The following OR2V2 variants were observed in gnomAD, a reference collection of about 807,000 sequenced individuals.
The protein encoded by OR2V2 is olfactory receptor 2V2.
For synonymous variants in OR2V2, 161 were observed against 151.3 expected (o/e 1.06, Z -0.47); for missense variants, 392 against 392.2 (o/e 1.00, Z 0.00).
intron 1 of OR2V2, among the ~76,000 whole-genome samples, chr5:181,154,515 T>G (rs1383417635): frequency 2.0e-5 from 3 of 146,478 alleles, no homozygotes; most frequent in Non-Finnish European, 3.0e-5. Context: ...GCGTGAACCC[T>G]GGAGGGGGAG....
chr5:181,153,617 G>T (rs893561607), intron 1 of OR2V2, among the ~76,000 whole-genome samples: 1 of 152,086 alleles, frequency 6.6e-6, no homozygotes, highest in African/African-American at 2.4e-5. Context: ...GGCGGAGGTT[G>T]CAATGAGCCG....
At chr5:181,148,144 TG>T (rs919272669) in intron 1 of OR2V2, 149 bp downstream of exon 1, 3 of 392,520 alleles carry the variant, frequency 7.6e-6, no homozygotes, top group East Asian at 7.2e-5. Context: ...TTTGGATTTT[TG>T]GGGGGGCATC....
intron 1 of OR2V2, among the ~76,000 whole-genome samples, chr5:181,150,248 G>T (rs1426264012): frequency 2.0e-5 from 3 of 152,208 alleles, no homozygotes; most frequent in African/African-American, 7.2e-5. Context: ...TCTGCACCTG[G>T]GCAGGCGCAT....
intron 1 of OR2V2, 137 bp from the exon 2 acceptor site, chr5:181,154,782 A>G: frequency 1.6e-6 from 1 of 627,808 alleles, no homozygotes; most frequent in Non-Finnish European, 2.8e-6. Context: ...GGAGATATGG[A>G]GTGTCCCCTA....
At chr5:181,148,453 GA>G (rs1489912079) in intron 1 of OR2V2, among the ~76,000 whole-genome samples, 2 of 152,064 alleles carry the variant, frequency 1.3e-5, no homozygotes, top group African/African-American at 2.4e-5. Context: ...TGGTTTCTAG[GA>G]AAAAAAGTAA....
chr5:181,156,840 T>G lies in OR2V2; in HGVS notation c.*950T>G, dbSNP rs996703611. On this transcript the variant is annotated 3_prime_UTR_variant, in exon 2 of 2. Transcript: ENST00000641492. Reference sequence around the variant, plus strand: ...CACTGGAAACTTCATAAAGACGTATTAAAAGCATACAAGTTGTCTTTGAGA... The same window carrying G: ...CACTGGAAACTTCATAAAGACGTATGAAAAGCATACAAGTTGTCTTTGAGA... 11 of 152,250 alleles carry G rather than the reference T, an allele frequency of 7.2e-5. No homozygotes were observed. Among genetic ancestry groups the G allele is most frequent in the African/African-American group, 2.7e-4 (11 of 41,460 alleles). The allele number at this position is 152,250 out of a possible 1,614,324, so 9.4% of individuals were successfully genotyped here. A position where few individuals can be genotyped will look rare whatever the true frequency, so the allele number is the denominator to read the frequency against.
chr5:181,150,418 G>A (rs78588184), intron 1 of OR2V2, among the ~76,000 whole-genome samples: 3,673 of 152,238 alleles, frequency 0.024, 140 homozygotes, highest in African/African-American at 0.084. Context: ...GAAGACATGC[G>A]CTGGCAGTCA....
chr5:181,150,222 T>C (rs1006914816), intron 1 of OR2V2, among the ~76,000 whole-genome samples: 1 of 152,228 alleles, frequency 6.6e-6, no homozygotes, highest in Non-Finnish European at 1.5e-5. Flanking sequence ...ACAGCTCAAG[T>C]GGCTAAATCC....
At position 181,157,729 on chromosome 5, in the gene OR2V2, C is replaced by A. The variant is rs1763283066; in HGVS notation, c.*1839C>A. The A allele has an allele frequency of 6.6e-6, 1 of 152,290 alleles. No individual in the cohort carries two copies. The highest frequency in any genetic ancestry group is 1.9e-4 in the East Asian group (1 of 5,188). The allele number at this position is 152,290 out of a possible 1,614,324, so 9.4% of individuals were successfully genotyped here. Reference sequence around the variant, plus strand: ...TTCTGTGTATTCTCCTCATTTTCATCATATCTTTTTGCCTTGTACACATTT... The same window carrying A: ...TTCTGTGTATTCTCCTCATTTTCATAATATCTTTTTGCCTTGTACACATTT... On this transcript the variant is annotated 3_prime_UTR_variant, in exon 2 of 2. Transcript: ENST00000641492.
At chr5:181,148,835 G>A (rs1313609364) in intron 1 of OR2V2, among the ~76,000 whole-genome samples, 1 of 152,246 alleles carries the variant, frequency 6.6e-6, no homozygotes, top group Non-Finnish European at 1.5e-5. Context: ...AGGAGGAGGT[G>A]AGGGAACAAG....
In OR2V2 at chr5:181,156,251, G is replaced by C. The variant is rs1187525572; in HGVS notation, c.*361G>C. 1.3e-4 allele frequency: 27 copies of C among 207,446 alleles called. No individual in the cohort carries two copies. The Admixed American group carries it at 1.4e-3, about 11-fold the overall frequency. The allele number at this position is 207,446 out of a possible 1,614,324, so 12.9% of individuals were successfully genotyped here. ...CTCCTGAGTAGCTGGGATTACAGGT[G>C]CGTGCCCCACACCTGACTAATTTTT... is the stretch of plus-strand genomic sequence containing the variant. On this transcript the variant is annotated 3_prime_UTR_variant, in exon 2 of 2. Coordinates refer to ENST00000641492, the MANE Select transcript of OR2V2 (RefSeq NM_206880.2).
chr5:181,148,409 G>A (rs981969580), intron 1 of OR2V2, among the ~76,000 whole-genome samples: 2 of 152,210 alleles, frequency 1.3e-5, no homozygotes, highest in African/African-American at 4.8e-5. Context: ...ATCCCCAGGA[G>A]AATATTGCAG....
Position 181,156,760 on chromosome 5 carries a change from A to G in OR2V2, c.*870A>G, listed in dbSNP as rs1015989196. 6.6e-6 allele frequency: 1 copy of G among 152,250 alleles called. No homozygotes were observed. Among genetic ancestry groups the G allele is most frequent in the African/African-American group, 2.4e-5 (1 of 41,452 alleles). The allele number at this position is 152,250 out of a possible 1,614,324, so 9.4% of individuals were successfully genotyped here. On this transcript the variant is annotated 3_prime_UTR_variant, in exon 2 of 2. Transcript: ENST00000641492. ...CCCTAGGGTCTTAAATGAACAACTTACAGATGACAGAAAATAAGCCTTTAT... is the reference window on the plus strand; with the variant it reads ...CCCTAGGGTCTTAAATGAACAACTTGCAGATGACAGAAAATAAGCCTTTAT...
chr5:181,153,505 G>C (rs1763218556), intron 1 of OR2V2, among the ~76,000 whole-genome samples: 1 of 152,014 alleles, frequency 6.6e-6, no homozygotes, highest in African/African-American at 2.4e-5. Context: ...CGGGCAAGAT[G>C]GCAACACCCC....
rs1279456028 is a variant in OR2V2, at chr5:181,157,618, T to C, written c.*1728T>C. 2 of 152,038 alleles carry C rather than the reference T, an allele frequency of 1.3e-5. No individual in the cohort carries two copies. Among genetic ancestry groups the C allele is most frequent in the Admixed American group, 1.3e-4 (2 of 15,270 alleles). The allele number at this position is 152,038 out of a possible 1,614,324, so 9.4% of individuals were successfully genotyped here. A position where few individuals can be genotyped will look rare whatever the true frequency, so the allele number is the denominator to read the frequency against. ...GATTTTCCACTGTGTAGATGGATCTTAGTGTATTCTGTGACCACTTGCTGA... is the reference window on the plus strand; with the variant it reads ...GATTTTCCACTGTGTAGATGGATCTCAGTGTATTCTGTGACCACTTGCTGA... On this transcript the variant is annotated 3_prime_UTR_variant, in exon 2 of 2. Transcript: ENST00000641492.
At position 181,147,819 on chromosome 5, in the gene OR2V2, C is replaced by T. The variant is rs1332348518; in HGVS notation, c.-201C>T. On this transcript the variant is annotated 5_prime_UTR_variant, in exon 1 of 2. Transcript: ENST00000641492. ...CACTGGAGGCTGAGGGTGCCGTGGGCTCCACAGCCCGATGAGTAGTCGGTG... is the reference window on the plus strand; with the variant it reads ...CACTGGAGGCTGAGGGTGCCGTGGGTTCCACAGCCCGATGAGTAGTCGGTG... 2.5e-6 allele frequency: 1 copy of T among 393,114 alleles called. No homozygotes were observed. Among genetic ancestry groups the T allele is most frequent in the Non-Finnish European group, 4.5e-6 (1 of 223,114 alleles). The allele number at this position is 393,114 out of a possible 1,614,324, so 24.4% of individuals were successfully genotyped here.
chr5:181,154,610 C>CGG (rs1763233574), intron 1 of OR2V2, among the ~76,000 whole-genome samples: 1 of 149,610 alleles, frequency 6.7e-6, no homozygotes, highest in African/African-American at 2.5e-5. Context: ...AAAAAAGACT[C>CGG]TGTATCATAT....
intron 1 of OR2V2, among the ~76,000 whole-genome samples, chr5:181,154,029 C>A (rs6865627): frequency 0.043 from 6,554 of 152,182 alleles, 298 homozygotes; most frequent in African/African-American, 0.12. Context: ...TCCTGTCACT[C>A]GCGGTATGAC....
chr5:181,148,867 C>T (rs1251356005), intron 1 of OR2V2, among the ~76,000 whole-genome samples: 6 of 152,162 alleles, frequency 3.9e-5, no homozygotes, highest in Non-Finnish European at 7.4e-5. Flanking sequence ...CTGGGAAGAG[C>T]CTTCTGCACG....
Sources: gnomAD v4.1 joint callset for allele counts (sites outside exome capture counted in the v4.1 genomes callset) on GRCh38, gnomAD v4.1.1 for gene constraint, MANE v1.5 for transcripts, NCBI Gene and HGNC (gene_info 2026-07-23, HGNC 2026-07-21) for gene names.